Variants in CLEC4D observed in about 807,000 individuals in gnomAD.
CLEC4D encodes the protein C-type lectin domain family 4 member D, also known as C-type (calcium dependent, carbohydrate-recognition domain) lectin, superfamily member 8.
CLEC4D carries 21 observed loss-of-function variants against 21.1 expected under a neutral mutation model. That is an observed-to-expected ratio of 1.00 (90% CI 0.71 to 1.43). The LOEUF (loss-of-function observed/expected upper bound fraction) is 1.43. CLEC4D is among the 40% of genes most tolerant of loss of function. The pLI is 0.00. For missense variants in CLEC4D, 289 were observed against 260.7 expected, an observed-to-expected ratio of 1.11 and a Z score of -0.75; for synonymous variants, 85 against 83.1, an observed-to-expected ratio of 1.02 and a Z score of -0.12.
chr12:8,531,579 C>A, the CLEC4D span, among the ~76,000 whole-genome samples: 2 of 152,024 alleles, frequency 1.3e-5, no homozygotes, highest in Non-Finnish European at 2.9e-5. Flanking sequence ...GTGCTAATTA[C>A]CCTGATTTGA....
intron 4 of CLEC4D, among the ~76,000 whole-genome samples, chr12:8,519,517 G>A (rs1019560879): frequency 3.9e-5 from 6 of 152,156 alleles, no homozygotes; most frequent in African/African-American, 7.2e-5. Context: ...CTTTTACTAC[G>A]TGGAGGGCTG....
intron 1 of CLEC4D, among the ~76,000 whole-genome samples, chr12:8,514,841 T>C (rs924161391): frequency 6.6e-6 from 1 of 152,174 alleles, no homozygotes; most frequent in East Asian, 1.9e-4. Flanking sequence ...TTGCTCAGTT[T>C]TCTAGTTGAT....
downstream of CLEC4D, among the ~76,000 whole-genome samples, chr12:8,524,284 C>G (rs1010535533): frequency 1.3e-5 from 2 of 151,162 alleles, no homozygotes; most frequent in Non-Finnish European, 2.9e-5. Context: ...ACCAGTTCTT[C>G]TTTGTATTTC....
intron 1 of CLEC4D, 115 bp downstream of exon 1, chr12:8,513,875 G>A: frequency 1.5e-6 from 1 of 651,710 alleles, no homozygotes. Flanking sequence ...AGAAGGAGGT[G>A]GAAGGAAATA....
intron 2 of CLEC4D, 112 bp from the exon 3 acceptor site, chr12:8,518,052 A>C (rs1472568585): frequency 1.1e-5 from 6 of 548,428 alleles, no homozygotes; most frequent in Admixed American, 6.2e-5. Flanking sequence ...AGAAAAGAGA[A>C]TATGAGGGCC....
intron 2 of CLEC4D, among the ~76,000 whole-genome samples, chr12:8,517,924 T>C (rs150061839): frequency 0.013 from 2,036 of 151,950 alleles, 47 homozygotes; most frequent in African/African-American, 0.045. Context: ...CCAGCCTGGG[T>C]GACAGAGCGA....
chr12:8,521,951 C>A lies in CLEC4D; in HGVS notation c.*680C>A, dbSNP rs1311477895. The A allele has an allele frequency of 6.6e-6, 1 of 152,102 alleles. No homozygotes were observed. Among genetic ancestry groups the A allele is most frequent in the East Asian group, 1.9e-4 (1 of 5,194 alleles). 9.4% of individuals were successfully genotyped at this position (152,102 alleles called of 1,614,324 possible). The stretch of plus-strand genomic sequence containing the variant: ...ACACCTTAAACAAAGTCCTTCAATT[C>A]TACAGCAGAGGAAATAAAATCCCCC... On this transcript the variant is annotated 3_prime_UTR_variant, in exon 6 of 6. Coordinates refer to ENST00000299665, the MANE Select transcript of CLEC4D (RefSeq NM_080387.5).
At chr12:8,527,723 C>T in the CLEC4D span, among the ~76,000 whole-genome samples, 1 of 152,240 alleles carries the variant, frequency 6.6e-6, no homozygotes, top group Non-Finnish European at 1.5e-5. Context: ...CCTCCGCCCG[C>T]GCTCCCCCAC....
the CLEC4D span, among the ~76,000 whole-genome samples, chr12:8,531,012 G>A: frequency 1.1e-4 from 16 of 152,170 alleles, 2 homozygotes; most frequent in African/African-American, 3.1e-4. Flanking sequence ...CACCCTGCCC[G>A]GTGCCCTGTG....
chr12:8,517,901 G>T (rs954849807), intron 2 of CLEC4D, among the ~76,000 whole-genome samples: 12 of 152,158 alleles, frequency 7.9e-5, no homozygotes, highest in African/African-American at 2.9e-4. Flanking sequence ...AGCCGAAATC[G>T]CGCCACTGCA....
At chr12:8,520,449 G>T in intron 5 of CLEC4D, 108 bp downstream of exon 5, 1 of 1,454,388 alleles carries the variant, frequency 6.9e-7, no homozygotes, top group Non-Finnish European at 9.1e-7. Flanking sequence ...TGTTAAGAGA[G>T]ACCACTGTAG....
chr12:8,518,506 A>G lies in CLEC4D; in HGVS notation c.232+232A>G, dbSNP rs775517075. ...GGATGGGTTATTTTTGACATCCAAAACATAACATTAATCAGATTCAATTTT... is the reference window on the plus strand; with the variant it reads ...GGATGGGTTATTTTTGACATCCAAAGCATAACATTAATCAGATTCAATTTT... On this transcript the variant is annotated intron_variant, in intron 3 of 5. Coordinates refer to ENST00000299665, the MANE Select transcript of CLEC4D (RefSeq NM_080387.5). Among the ~76,000 whole-genome samples the G allele has an allele frequency of 2.8e-3, 419 of 152,362 alleles. 2 individuals are homozygous for G. Among genetic ancestry groups the G allele is most frequent in the African/African-American group, 9.8e-3 (406 of 41,584 alleles).
In CLEC4D at chr12:8,515,334, T is replaced by C; in HGVS notation, c.121+6T>C. 8.4e-7 allele frequency: 1 copy of C among 1,186,348 alleles called. No homozygotes were observed. Among genetic ancestry groups the C allele is most frequent in the Non-Finnish European group, 1.3e-6 (1 of 789,812 alleles). The allele number at this position is 1,186,348 out of a possible 1,614,324, so 73.5% of individuals were successfully genotyped here. ...TTTTATTGCAAGTTGTTTGGGTAAG[T>C]TATTAGCCAAAGTAGAACTCTTCTT... On this transcript the variant is annotated splice_donor_region_variant and intron_variant, in intron 2 of 5. Coordinates refer to ENST00000299665, the MANE Select transcript of CLEC4D (RefSeq NM_080387.5).
At position 8,521,127 on chromosome 12, in the gene CLEC4D, C is replaced by A; in HGVS notation, c.504C>A (p.Phe168Leu). 6.2e-7 allele frequency: 1 copy of A among 1,611,852 alleles called. No homozygotes were observed. The highest frequency in any genetic ancestry group is 2.2e-5 in the East Asian group (1 of 44,826). The stretch of plus-strand genomic sequence containing the variant: ...ATCTATGTTGTTGTTCTTTCAGATT[C>A]TGGCATAAGAATGAACCCGACAACT... ...DQTPFNPRRVFWHKNEPDNSQ... is the reference protein window; with the variant it reads ...DQTPFNPRRVLWHKNEPDNSQ... Residue 168 changes from phenylalanine (F) to leucine (L), a missense_variant, in exon 6 of 6, where the codon TTC (phenylalanine) becomes TTA (leucine). By Grantham distance (22) the Phe-to-Leu change is conservative. Coordinates refer to ENST00000299665, the MANE Select transcript of CLEC4D (RefSeq NM_080387.5).
downstream of CLEC4D, among the ~76,000 whole-genome samples, chr12:8,524,710 C>T (rs973357708): frequency 6.6e-6 from 1 of 152,102 alleles, no homozygotes; most frequent in Non-Finnish European, 1.5e-5. Flanking sequence ...CGGCTCTTCT[C>T]TGATCTTAGT....
chr12:8,518,844 G>A (rs7298236), intron 3 of CLEC4D, among the ~76,000 whole-genome samples, 165 bp from the exon 4 acceptor site: 1,560 of 152,274 alleles, frequency 0.01, 32 homozygotes, highest in African/African-American at 0.035. Context: ...AAGATATTTA[G>A]GAATGTAATT....
Position 8,521,187 on chromosome 12 carries a change from C to CTTGTTTA in CLEC4D, c.564_565insTTGTTTA (p.Gln189LeufsTer5), listed in dbSNP as rs778661511. On this transcript the variant is annotated frameshift_variant, in exon 6 of 6. Transcript: ENST00000299665. LOFTEE classifies it low-confidence loss of function (END_TRUNC). ...AAAACTGTGTTGTTCTTGTTTATAA[C>CTTGTTTA]CAAGATAAATGGGCCTGGAATGATG... 7 of 1,613,366 alleles carry CTTGTTTA rather than the reference C, an allele frequency of 4.3e-6. No individual in the cohort carries two copies. The highest frequency in any genetic ancestry group is 5.9e-6 in the Non-Finnish European group (7 of 1,179,654).
chr12:8,529,434 G>A, the CLEC4D span, among the ~76,000 whole-genome samples: 2 of 152,146 alleles, frequency 1.3e-5, no homozygotes, highest in South Asian at 2.1e-4. Flanking sequence ...GGGCAACAAA[G>A]TGAGACCCTG....
chr12:8,524,397 A>C (rs1267226774), downstream of CLEC4D, among the ~76,000 whole-genome samples: 1 of 151,748 alleles, frequency 6.6e-6, no homozygotes, highest in Non-Finnish European at 1.5e-5. Flanking sequence ...TTGTCTATTC[A>C]GGGATTCAAC....
Sources: gnomAD v4.1 joint callset for allele counts (sites outside exome capture counted in the v4.1 genomes callset) on GRCh38, gnomAD v4.1.1 for gene constraint, MANE v1.5 for transcripts, NCBI Gene and HGNC (gene_info 2026-07-23, HGNC 2026-07-21) for gene names.